The following ABCG1 variants were observed in gnomAD, a reference collection of about 807,000 sequenced individuals.
The protein encoded by ABCG1 is ATP-binding cassette sub-family G member 1.
ABCG1 carries 29 observed loss-of-function variants against 69.2 expected under a neutral mutation model. The ratio of observed to expected loss-of-function variants is 0.42; its 90% CI spans 0.31 to 0.57. The LOEUF (loss-of-function observed/expected upper bound fraction) is 0.57, where lower values mean the gene tolerates loss of function less well. Ranked by LOEUF, ABCG1 falls within the 20% of genes least tolerant of loss-of-function variation. ABCG1 has a pLI of 0.15. For missense variants in ABCG1, 718 were observed against 898.1 expected, an observed-to-expected ratio of 0.80 and a Z score of 2.56; for synonymous variants, 370 against 374.8, an observed-to-expected ratio of 0.99 and a Z score of 0.15.
At position 42,287,869 on chromosome 21, in the gene ABCG1, C is replaced by T; in HGVS notation, c.974-20C>T. The T allele has an allele frequency of 1.3e-6, 2 of 1,541,704 alleles. No homozygotes were observed. Among genetic ancestry groups the T allele is most frequent in the African/African-American group, 1.4e-5 (1 of 72,572 alleles). On this transcript the variant is annotated intron_variant, in intron 8 of 14. Transcript: ENST00000398449. This position sits in a 1 kb window ranked among gnomAD's most constrained non-coding sequence, Gnocchi z 6.2. ...GTCCTTCCTGGAGCCCGGGCTGACC[C>T]CCGTCTGTGTCTCCTGCAGTCATGG...
intron 2 of ABCG1, among the ~76,000 whole-genome samples, chr21:42,237,925 A>G (rs1212063793): frequency 6.6e-6 from 1 of 152,144 alleles, no homozygotes; most frequent in East Asian, 1.9e-4. Context: ...CTTCTTAACC[A>G]TGTGACCCTG....
rs894874143 is a variant in ABCG1, at chr21:42,219,450, C to T, written c.42+146C>T. On this transcript the variant is annotated intron_variant, in intron 1 of 14. Coordinates refer to ENST00000398449, the MANE Select transcript of ABCG1 (RefSeq NM_016818.3). This position sits in a 1 kb window ranked among gnomAD's most constrained non-coding sequence, Gnocchi z 5.3. ...ACCCAGGGCACCCTAGAGTGGCGCCCGGCTCCGATCGCTGCCCCTGCCCCT... is the reference window on the plus strand; with the variant it reads ...ACCCAGGGCACCCTAGAGTGGCGCCTGGCTCCGATCGCTGCCCCTGCCCCT... 9 of 1,185,550 alleles carry T rather than the reference C, an allele frequency of 7.6e-6. No homozygotes were observed. Among genetic ancestry groups the T allele is most frequent in the African/African-American group, 3.2e-5 (2 of 62,210 alleles). 73.4% of individuals were successfully genotyped at this position (1,185,550 alleles called of 1,614,324 possible). A position where few individuals can be genotyped will look rare whatever the true frequency, so the allele number is the denominator to read the frequency against.
intron 2 of ABCG1, among the ~76,000 whole-genome samples, chr21:42,244,948 G>C (rs1233666987): frequency 1.3e-5 from 2 of 152,216 alleles, no homozygotes; most frequent in African/African-American, 4.8e-5. Flanking sequence ...TGAAACCACA[G>C]GTGAGAACTC....
At chr21:42,212,408 T>A (rs1213426012), upstream of ABCG1, among the ~76,000 whole-genome samples, 3 of 149,550 alleles carry the variant, frequency 2.0e-5, no homozygotes, top group African/African-American at 7.4e-5. Context: ...ATTATGTAAG[T>A]GGCTGTGATC....
intron 11 of ABCG1, 110 bp downstream of exon 11, chr21:42,290,328 T>C: frequency 7.7e-7 from 1 of 1,302,410 alleles, no homozygotes; most frequent in Non-Finnish European, 1.1e-6. Flanking sequence ...CACAATGTTT[T>C]TGTTTTTTTA....
At chr21:42,224,561 C>G (rs1379777425) in intron 1 of ABCG1, among the ~76,000 whole-genome samples, 2 of 152,204 alleles carry the variant, frequency 1.3e-5, no homozygotes, top group Non-Finnish European at 2.9e-5. Context: ...TTTCACTTGG[C>G]ACCTTTAGTT....
chr21:42,268,366 T>A (rs1204961503), intron 2 of ABCG1, among the ~76,000 whole-genome samples: 2 of 131,588 alleles, frequency 1.5e-5, no homozygotes, highest in Admixed American at 1.4e-4. Context: ...GGTAGGGGTG[T>A]GTGTGTGTGT....
chr21:42,209,435 C>T (rs990101644), intron 2 of ABCG1, among the ~76,000 whole-genome samples: 2 of 152,138 alleles, frequency 1.3e-5, no homozygotes, highest in Non-Finnish European at 1.5e-5. Context: ...AGCTAGGCTC[C>T]GTGCTGGGAA....
At position 42,202,188 on chromosome 21, in the gene ABCG1, G is replaced by A. The variant is rs2067511948; in HGVS notation, c.48+465G>A. On this transcript the variant is annotated intron_variant, in intron 2 of 15. Coordinates refer to the ABCG1 transcript ENST00000398457. Reference sequence around the variant, plus strand: ...TCTGCTATTGAGTATGGAGGCCAGGGTTCCACTCCAGACCCCTCTGACTCC... The same window carrying A: ...TCTGCTATTGAGTATGGAGGCCAGGATTCCACTCCAGACCCCTCTGACTCC... Among the ~76,000 whole-genome samples the A allele has an allele frequency of 1.3e-5, 2 of 152,180 alleles. 1 individual carries two copies. Among genetic ancestry groups the A allele is most frequent in the South Asian group, 4.1e-4 (2 of 4,836 alleles).
intron 2 of ABCG1, among the ~76,000 whole-genome samples, chr21:42,228,240 C>T (rs1340396003): frequency 1.3e-5 from 2 of 152,140 alleles, no homozygotes; most frequent in Non-Finnish European, 1.5e-5. Context: ...AGGGGAAGAG[C>T]CTGCAATGGG....
At position 42,288,189 on chromosome 21, in the gene ABCG1, C is replaced by T. The variant is rs752904380; in HGVS notation, c.1123-22C>T. On this transcript the variant is annotated intron_variant, in intron 9 of 14. Coordinates refer to ENST00000398449, the MANE Select transcript of ABCG1 (RefSeq NM_016818.3). This position sits in a 1 kb window ranked among gnomAD's most constrained non-coding sequence, Gnocchi z 4.8. ...GGCTCCGGACTGGCTTTCACCCGCT[C>T]CCCTCTTGCGTGTGTCCTCAGGACT... 1.9e-6 allele frequency: 3 copies of T among 1,612,704 alleles called. No individual in the cohort carries two copies. The highest frequency in any genetic ancestry group is 2.5e-6 in the Non-Finnish European group (3 of 1,178,680).
chr21:42,248,333 G>C (rs904621422), intron 2 of ABCG1, among the ~76,000 whole-genome samples: 1 of 152,186 alleles, frequency 6.6e-6, no homozygotes, highest in Non-Finnish European at 1.5e-5. Flanking sequence ...GACCTGTCCA[G>C]ACAGCAGTGG....
At chr21:42,230,549 T>C (rs1020481071) in intron 2 of ABCG1, among the ~76,000 whole-genome samples, 2 of 152,234 alleles carry the variant, frequency 1.3e-5, no homozygotes, top group Non-Finnish European at 2.9e-5. Flanking sequence ...GTAGACACTA[T>C]GTTGAGAACA....
rs2067693679 is a variant in ABCG1, at chr21:42,219,877, G to A, written c.42+573G>A. The A allele has an allele frequency of 1.3e-6, 2 of 1,539,820 alleles. No homozygotes were observed. The highest frequency in any genetic ancestry group is 1.7e-6 in the Non-Finnish European group (2 of 1,143,734). On this transcript the variant is annotated intron_variant, in intron 1 of 14. Coordinates refer to ENST00000398449, the MANE Select transcript of ABCG1 (RefSeq NM_016818.3). The surrounding 1 kb of genome is among the most constrained non-coding windows in gnomAD (Gnocchi z 5.3). ...TCCCGGACCCACTCGGGGAGGCGGC[G>A]GCGAAGGCCCGGGGAGACCCGCGAG...
chr21:42,247,469 G>A (rs116181146), intron 2 of ABCG1, among the ~76,000 whole-genome samples: 237 of 152,320 alleles, frequency 1.6e-3, no homozygotes, highest in African/African-American at 5.4e-3. Flanking sequence ...GAACTGAGCA[G>A]GTGTGGTGTT....
intron 2 of ABCG1, among the ~76,000 whole-genome samples, chr21:42,255,707 GT>G (rs1308130990): frequency 6.6e-6 from 1 of 152,192 alleles, no homozygotes; most frequent in Non-Finnish European, 1.5e-5. Context: ...CAAACTCATT[GT>G]TTCTCCTGGT....
chr21:42,277,152 T>A (rs534238684), intron 5 of ABCG1, among the ~76,000 whole-genome samples: 162 of 152,312 alleles, frequency 1.1e-3, no homozygotes, highest in African/African-American at 2.2e-3. Flanking sequence ...GTGCACACGC[T>A]CATGGCTTTG....
chr21:42,249,472 G>C (rs2068185334), intron 2 of ABCG1, among the ~76,000 whole-genome samples: 1 of 152,090 alleles, frequency 6.6e-6, no homozygotes, highest in African/African-American at 2.4e-5. Flanking sequence ...TAGGTCTCTG[G>C]TGCCTCAGTT....
chr21:42,219,243 G>T lies in ABCG1; in HGVS notation c.-20G>T. ...CGTCCCCGCCGCCGCCGCCGCCGCC[G>T]CCGCCGCCGCCCCCGGGGCATGGCC... On this transcript the variant is annotated 5_prime_UTR_variant, in exon 1 of 15. Transcript: ENST00000398449. The surrounding 1 kb of genome is among the most constrained non-coding windows in gnomAD (Gnocchi z 5.3). 6.5e-7 allele frequency: 1 copy of T among 1,527,890 alleles called. No individual in the cohort carries two copies. 94.6% of individuals were successfully genotyped at this position (1,527,890 alleles called of 1,614,324 possible).
Sources: gnomAD v4.1 joint callset for allele counts (sites outside exome capture counted in the v4.1 genomes callset) on GRCh38, gnomAD v4.1.1 for gene constraint, Gnocchi (gnomAD v3.1) non-coding constraint, MANE v1.5 for transcripts, NCBI Gene and HGNC (gene_info 2026-07-23, HGNC 2026-07-21) for gene names.